Variants in TOM1L2 observed in about 807,000 individuals in gnomAD.
The protein encoded by TOM1L2 is TOM1-like protein 2.
TOM1L2 carries 31 observed loss-of-function variants against 67.9 expected under a neutral mutation model. The observed-to-expected ratio is 0.46, with a 90% CI of 0.34 to 0.62. The LOEUF (loss-of-function observed/expected upper bound fraction) is 0.62, where lower values mean the gene tolerates loss of function less well. TOM1L2 is among the 20% of genes least tolerant of loss of function. The pLI is 0.01. For missense variants in TOM1L2, 606 were observed against 663.5 expected (o/e 0.91, Z 0.95); for synonymous variants, 256 against 254.0 (o/e 1.01, Z -0.07).
At chr17:17,883,072 AC>A (rs1337801476) in intron 5 of TOM1L2, among the ~76,000 whole-genome samples, 2 of 152,030 alleles carry the variant, frequency 1.3e-5, no homozygotes, top group East Asian at 3.9e-4. Context: ...TCCTCCCTCT[AC>A]TTACCTCTCA....
intron 14 of TOM1L2, among the ~76,000 whole-genome samples, 154 bp from the exon 15 acceptor site, chr17:17,847,937 T>TG (rs57878351): frequency 4.0e-5 from 6 of 150,088 alleles, no homozygotes; most frequent in African/African-American, 1.0e-4. Context: ...AGCTGCAGTG[T>TG]GGGGGGAGGC....
intron 1 of TOM1L2, among the ~76,000 whole-genome samples, chr17:17,908,959 G>C (rs1231556950): frequency 6.6e-6 from 1 of 152,148 alleles, no homozygotes; most frequent in East Asian, 1.9e-4. Context: ...AAGGAGGATG[G>C]ATCACCAGGT....
At position 17,847,309 on chromosome 17, in the gene TOM1L2, G is replaced by A. The variant is rs540092505; in HGVS notation, c.*326C>T. ...TGCTCTTTCTCCATGGGCGGGTGGA[G>A]GAAAGACAGTCCGGGTGGTCTGCTC... On this transcript the variant is annotated 3_prime_UTR_variant, in exon 15 of 15. Transcript: ENST00000379504. 108 of 339,738 alleles carry A rather than the reference G, an allele frequency of 3.2e-4. No individual in the cohort carries two copies. Among genetic ancestry groups the A allele is most frequent in the African/African-American group, 2.2e-3 (104 of 46,830 alleles). 21.0% of individuals were successfully genotyped at this position (339,738 alleles called of 1,614,324 possible).
intron 10 of TOM1L2, among the ~76,000 whole-genome samples, chr17:17,865,873 T>C (rs923694439): frequency 6.7e-6 from 1 of 150,030 alleles, no homozygotes; most frequent in African/African-American, 2.5e-5. Flanking sequence ...GCCTCCCGAG[T>C]AGTTGGGATT....
At chr17:17,854,964 AG>A (rs1327481332) in intron 12 of TOM1L2, among the ~76,000 whole-genome samples, 2 of 152,212 alleles carry the variant, frequency 1.3e-5, no homozygotes, top group Admixed American at 6.5e-5. Flanking sequence ...GAGAAAAGGA[AG>A]GAAGCTAGCA....
chr17:17,905,819 T>A (rs1272855599), intron 2 of TOM1L2, among the ~76,000 whole-genome samples: 1 of 152,044 alleles, frequency 6.6e-6, no homozygotes, highest in Non-Finnish European at 1.5e-5. Flanking sequence ...TCTGCTTGAA[T>A]CTCCAAAAAG....
intron 2 of TOM1L2, among the ~76,000 whole-genome samples, chr17:17,907,246 C>T (rs1156456822): frequency 6.6e-6 from 1 of 152,240 alleles, no homozygotes; most frequent in African/African-American, 2.4e-5. Flanking sequence ...CCTGTTCTAC[C>T]TCCAAGCACT....
intron 2 of TOM1L2, among the ~76,000 whole-genome samples, chr17:17,901,357 T>C (rs781748969): frequency 2.6e-5 from 4 of 152,174 alleles, no homozygotes; most frequent in South Asian, 2.1e-4. Context: ...GTGGCCTGTG[T>C]TGAGATGGCA....
At chr17:17,848,153 C>A (rs2035754704) in intron 14 of TOM1L2, among the ~76,000 whole-genome samples, 1 of 152,170 alleles carries the variant, frequency 6.6e-6, no homozygotes, top group African/African-American at 2.4e-5. Flanking sequence ...CCCACCCTTG[C>A]CCACCAATGG....
intron 14 of TOM1L2, 128 bp from the exon 15 acceptor site, chr17:17,847,911 T>A: frequency 8.0e-7 from 1 of 1,256,214 alleles, no homozygotes; most frequent in Non-Finnish European, 1.1e-6. Flanking sequence ...AGCAGGTGGG[T>A]AGGGAGGGGT....
chr17:17,866,887 C>T lies in TOM1L2; in HGVS notation c.949G>A (p.Ala317Thr). The change falls in exon 9 of 15, where the codon GCC becomes ACC. Residue 317 changes from alanine (A) to threonine (T), a missense_variant. Physicochemically the swap from Ala to Thr is moderately conservative, Grantham distance 58. Around this residue, in one of 2 missense-constraint regions of TOM1L2, gnomAD observed 543 missense variants for 554.0 expected, o/e 0.98. Coordinates refer to ENST00000379504, the MANE Select transcript of TOM1L2 (RefSeq NM_001082968.2). ...GAAGGAATACTTACTCCATTACTGG[C>T]ATTTTGAACGGATCGGCCAGACCTG... ...RYRSGRSVQN[A>T]SNGVLNEVTE... 6 of 1,614,072 alleles carry T rather than the reference C, an allele frequency of 3.7e-6. No individual in the cohort carries two copies. The highest frequency in any genetic ancestry group is 5.1e-6 in the Non-Finnish European group (6 of 1,179,960).
At chr17:17,968,681 A>G (rs2041955538) in intron 1 of TOM1L2, among the ~76,000 whole-genome samples, 1 of 142,448 alleles carries the variant, frequency 7.0e-6, no homozygotes, top group African/African-American at 2.7e-5. Flanking sequence ...AAAAAAAAAA[A>G]GAATGTAGTC....
chr17:17,964,092 A>C (rs2041795007), intron 1 of TOM1L2, among the ~76,000 whole-genome samples: 1 of 152,178 alleles, frequency 6.6e-6, no homozygotes, highest in African/African-American at 2.4e-5. Flanking sequence ...ATCAGGCTTG[A>C]TGACTGAATG....
chr17:17,970,845 C>T (rs1597494922), intron 1 of TOM1L2, among the ~76,000 whole-genome samples: 1 of 151,724 alleles, frequency 6.6e-6, no homozygotes, highest in East Asian at 1.9e-4. Context: ...CATAAGAACA[C>T]CAAAGATCCT....
At chr17:17,921,412 G>T (rs1400608792) in intron 1 of TOM1L2, among the ~76,000 whole-genome samples, 1 of 152,262 alleles carries the variant, frequency 6.6e-6, no homozygotes, top group Middle Eastern at 3.2e-3. Flanking sequence ...GTGCTCTCTA[G>T]AAGCAGAGCC....
In TOM1L2 at chr17:17,965,383, G is replaced by A. The variant is rs1407384790; in HGVS notation, c.52+6879C>T. ...ACACAGAATAAATCCCATCACCCCC[G>A]CCTACCTCTTAACATCCAGCATTTG... is the stretch of plus-strand genomic sequence containing the variant. On this transcript the variant is annotated intron_variant, in intron 1 of 14. Coordinates refer to ENST00000379504, the MANE Select transcript of TOM1L2 (RefSeq NM_001082968.2). Among the ~76,000 whole-genome samples, 12 of 151,700 alleles carry A rather than the reference G, an allele frequency of 7.9e-5. No homozygotes were observed. The East Asian group carries it at 1.5e-3, about 19-fold the overall frequency.
At chr17:17,857,604 G>T (rs1223392431) in intron 12 of TOM1L2, among the ~76,000 whole-genome samples, 3 of 152,172 alleles carry the variant, frequency 2.0e-5, no homozygotes, top group Non-Finnish European at 4.4e-5. Flanking sequence ...CAGAGATTAT[G>T]CAAAAATAGG....
At chr17:17,932,501 T>C (rs2040372958) in intron 1 of TOM1L2, among the ~76,000 whole-genome samples, 1 of 152,122 alleles carries the variant, frequency 6.6e-6, no homozygotes, top group South Asian at 2.1e-4. Context: ...TATGGTAATG[T>C]TGTCCCTGGG....
Position 17,847,579 on chromosome 17 carries a change from TGTCCACGGG to T in TOM1L2, c.*47_*55del. The T allele has an allele frequency of 5.2e-6, 8 of 1,549,946 alleles. 1 individual carries two copies. The South Asian group carries it at 9.9e-5, about 19-fold the overall frequency. On this transcript the variant is annotated 3_prime_UTR_variant, in exon 15 of 15. Coordinates refer to ENST00000379504, the MANE Select transcript of TOM1L2 (RefSeq NM_001082968.2). ...GGATGTAGGAGTGGCCAGTGCCCGG[TGTCCACGGG>T]GTGCGAGCGGGGACCCGCCATCTGG...
Sources: gnomAD v4.1 joint callset for allele counts (sites outside exome capture counted in the v4.1 genomes callset) on GRCh38, gnomAD v4.1.1 for gene constraint, gnomAD v4.1.1 regional missense constraint, MANE v1.5 for transcripts, NCBI Gene and HGNC (gene_info 2026-07-23, HGNC 2026-07-21) for gene names.